The following FSD1L variants were observed in gnomAD, a reference collection of about 807,000 sequenced individuals.
The protein encoded by FSD1L is FSD1-like protein.
Under a neutral mutation model 71.6 loss-of-function variants are expected in FSD1L, and 45 were observed. The observed-to-expected ratio is 0.63, with a 90% CI of 0.49 to 0.81. The LOEUF is 0.81. Ranked by LOEUF, FSD1L falls within the 30% of genes least tolerant of loss-of-function variation. The pLI is 0.00. For synonymous variants in FSD1L, 197 were observed against 207.2 expected (o/e 0.95, Z 0.42); for missense variants, 561 against 618.1 (o/e 0.91, Z 0.98).
chr9:105,470,102 T>C (rs1417770269), intron 4 of FSD1L, among the ~76,000 whole-genome samples: 1 of 152,160 alleles, frequency 6.6e-6, no homozygotes, highest in Non-Finnish European at 1.5e-5. Flanking sequence ...ACTGTCTGTT[T>C]TGTTCCATTG....
chr9:105,527,713 A>G (rs1377379268), intron 10 of FSD1L, among the ~76,000 whole-genome samples: 1 of 151,668 alleles, frequency 6.6e-6, no homozygotes, highest in Non-Finnish European at 1.5e-5. Context: ...ATCAAAAAAA[A>G]AAAAGAAAAG....
chr9:105,462,802 G>A (rs757783828), intron 2 of FSD1L, among the ~76,000 whole-genome samples: 1 of 130,604 alleles, frequency 7.7e-6, no homozygotes, highest in East Asian at 2.4e-4. Context: ...ATGTGTGGTG[G>A]CACATGCTTT....
At chr9:105,448,701 G>A (rs1829790852) in intron 1 of FSD1L, among the ~76,000 whole-genome samples, 1 of 152,128 alleles carries the variant, frequency 6.6e-6, no homozygotes, top group Admixed American at 6.5e-5. Flanking sequence ...ACGCTCTTTA[G>A]GTCAGGGACC....
intron 10 of FSD1L, chr9:105,522,711 A>C: frequency 6.2e-7 from 1 of 1,607,098 alleles, no homozygotes. Flanking sequence ...CATGAGCCAA[A>C]AACTGCCTCC....
At position 105,523,812 on chromosome 9, in the gene FSD1L, A is replaced by G. The variant is rs112532267; in HGVS notation, c.1026-10681A>G. 1.9e-6 allele frequency: 3 copies of G among 1,598,204 alleles called. No individual in the cohort carries two copies. In the African/African-American group the frequency reaches 4.0e-5, roughly 21 times the overall value. On this transcript the variant is annotated intron_variant, in intron 10 of 13. Coordinates refer to ENST00000481272, the MANE Select transcript of FSD1L (RefSeq NM_001145313.3). Reference sequence around the variant, plus strand: ...TGGATTACTTCATATTGACCAGGATATTGTCAATACAATCATCAAACACTG... The same window carrying G: ...TGGATTACTTCATATTGACCAGGATGTTGTCAATACAATCATCAAACACTG...
intron 1 of FSD1L, among the ~76,000 whole-genome samples, chr9:105,455,303 T>C (rs1486119949): frequency 6.6e-6 from 1 of 152,180 alleles, no homozygotes; most frequent in Admixed American, 6.5e-5. Context: ...CCCTTGTATG[T>C]AATCCCTTAA....
chr9:105,445,647 A>C (rs1013845127), upstream of FSD1L, among the ~76,000 whole-genome samples: 1 of 152,182 alleles, frequency 6.6e-6, no homozygotes, highest in Non-Finnish European at 1.5e-5. Context: ...AGAGCCAGGA[A>C]GCACGCAGTC....
At chr9:105,453,922 T>C (rs913956047) in intron 1 of FSD1L, among the ~76,000 whole-genome samples, 1 of 152,230 alleles carries the variant, frequency 6.6e-6, no homozygotes, top group South Asian at 2.1e-4. Flanking sequence ...TTGGCACTTC[T>C]TCCCAGCCAC....
rs1283226097 is a variant in FSD1L, at chr9:105,549,852, T to C, written c.*3369T>C. On this transcript the variant is annotated 3_prime_UTR_variant, in exon 14 of 14. Transcript: ENST00000481272. ...AAAATTATAATTGTTTATGTAATTT[T>C]ATTGTTTCTTATGGAAACAATTGGA... 2 of 152,046 alleles carry C rather than the reference T, an allele frequency of 1.3e-5. No individual in the cohort carries two copies. Among genetic ancestry groups the C allele is most frequent in the Admixed American group, 6.6e-5 (1 of 15,264 alleles). 9.4% of individuals were successfully genotyped at this position (152,046 alleles called of 1,614,324 possible). A position where few individuals can be genotyped will look rare whatever the true frequency, so the allele number is the denominator to read the frequency against.
intron 13 of FSD1L, among the ~76,000 whole-genome samples, chr9:105,540,133 T>C (rs1195842516): frequency 6.6e-6 from 1 of 152,186 alleles, no homozygotes; most frequent in Non-Finnish European, 1.5e-5. Context: ...CTTCAAATCC[T>C]TGTCAACACT....
At chr9:105,446,933 G>C (rs1050068848), upstream of FSD1L, among the ~76,000 whole-genome samples, 1 of 152,064 alleles carries the variant, frequency 6.6e-6, no homozygotes, top group Non-Finnish European at 1.5e-5. Flanking sequence ...GCTTGAGGAA[G>C]AACTTTCTCA....
At chr9:105,521,646 A>G (rs1450412546) in intron 10 of FSD1L, 1 of 1,613,396 alleles carries the variant, frequency 6.2e-7, no homozygotes, top group Non-Finnish European at 8.5e-7. Flanking sequence ...CCTCCCTTGC[A>G]TTGAAAATGT....
chr9:105,485,533 G>GGTTTTTTTTTT (rs1554705301), intron 7 of FSD1L, among the ~76,000 whole-genome samples: 2 of 79,406 alleles, frequency 2.5e-5, no homozygotes, highest in Admixed American at 1.6e-4. Flanking sequence ...TTGGTTAGGT[G>GGTTTTTTTTTT]TTTTTTTTTT....
intron 7 of FSD1L, among the ~76,000 whole-genome samples, chr9:105,503,514 T>C (rs1833889622): frequency 6.6e-6 from 1 of 152,186 alleles, no homozygotes; most frequent in Admixed American, 6.5e-5. Flanking sequence ...AGAAAATAAG[T>C]CTGGCAATGC....
chr9:105,464,856 T>C (rs1830952205), intron 3 of FSD1L, among the ~76,000 whole-genome samples: 1 of 151,206 alleles, frequency 6.6e-6, no homozygotes, highest in African/African-American at 2.4e-5. Flanking sequence ...GGCATACACA[T>C]GTCATCCCAG....
Position 105,526,189 on chromosome 9 carries a change from C to G in FSD1L, c.1026-8304C>G, listed in dbSNP as rs1026845276. On this transcript the variant is annotated intron_variant, in intron 10 of 13. Coordinates refer to ENST00000481272, the MANE Select transcript of FSD1L (RefSeq NM_001145313.3). ...TAGAGCAACAGCTATAAATGCAAGC[C>G]GTGCTCTGAAATCTCTGATTCCATT... 5 of 1,592,820 alleles carry G rather than the reference C, an allele frequency of 3.1e-6. No homozygotes were observed. In the African/African-American group the frequency reaches 6.7e-5, roughly 21 times the overall value.
At chr9:105,449,404 A>G (rs1271528109) in intron 1 of FSD1L, among the ~76,000 whole-genome samples, 5 of 152,242 alleles carry the variant, frequency 3.3e-5, no homozygotes, top group African/African-American at 9.6e-5. Context: ...GGTTTAAAAT[A>G]TTGTCTCTGC....
At chr9:105,516,665 G>A (rs1009676987) in intron 10 of FSD1L, among the ~76,000 whole-genome samples, 1 of 152,140 alleles carries the variant, frequency 6.6e-6, no homozygotes, top group East Asian at 1.9e-4. Context: ...GACCCCATCC[G>A]AAGGTCACCA....
chr9:105,530,190 A>G (rs1795968595), intron 10 of FSD1L, among the ~76,000 whole-genome samples: 1 of 152,192 alleles, frequency 6.6e-6, no homozygotes, highest in African/African-American at 2.4e-5. Flanking sequence ...ATTGGACAGT[A>G]AAGAAATTAT....
Sources: gnomAD v4.1 joint callset for allele counts (sites outside exome capture counted in the v4.1 genomes callset) on GRCh38, gnomAD v4.1.1 for gene constraint, MANE v1.5 for transcripts, NCBI Gene and HGNC (gene_info 2026-07-23, HGNC 2026-07-21) for gene names.